The following LRPPRC variants were observed in gnomAD, a reference collection of about 807,000 sequenced individuals.
The protein encoded by LRPPRC is leucine rich pentatricopeptide repeat containing.
A neutral mutation model predicts 180.3 loss-of-function variants in LRPPRC; 120 were observed. That is an observed-to-expected ratio of 0.67 (90% CI 0.57 to 0.77). The LOEUF (loss-of-function observed/expected upper bound fraction) is 0.77. LRPPRC is among the 30% of genes least tolerant of loss of function. LRPPRC has a pLI of 0.00. For synonymous variants in LRPPRC, 723 were observed against 600.0 expected, an observed-to-expected ratio of 1.21 and a Z score of -3.00; for missense variants, 2,012 against 1,657.2, an observed-to-expected ratio of 1.21 and a Z score of -3.72.
At chr2:43,986,688 C>G (rs1674539965) in intron 1 of LRPPRC, among the ~76,000 whole-genome samples, 1 of 151,976 alleles carries the variant, frequency 6.6e-6, no homozygotes, top group Non-Finnish European at 1.5e-5. Context: ...CCAGGGTTAG[C>G]ACTCAGACGG....
intron 22 of LRPPRC, among the ~76,000 whole-genome samples, chr2:43,944,287 T>C (rs966607300): frequency 1.3e-5 from 2 of 152,070 alleles, no homozygotes; most frequent in East Asian, 3.8e-4. Flanking sequence ...GTTTACACTG[T>C]ATATACAGCC....
intron 23 of LRPPRC, among the ~76,000 whole-genome samples, chr2:43,937,563 T>C (rs764143281): frequency 2.5e-4 from 38 of 152,216 alleles, no homozygotes; most frequent in Admixed American, 6.5e-5. Flanking sequence ...TGAAGATAGC[T>C]ATGTAGTCAT....
In LRPPRC at chr2:43,992,414, G is replaced by A. The variant is rs760323428; in HGVS notation, c.149+3385C>T. On this transcript the variant is annotated intron_variant, in intron 1 of 37. Transcript: ENST00000260665. ...GCACTTCAAAGTAGTAGTCTGGTACGGCTAGAACGCAGGATGCCATGGGAG... is the reference window on the plus strand; with the variant it reads ...GCACTTCAAAGTAGTAGTCTGGTACAGCTAGAACGCAGGATGCCATGGGAG... Among the ~76,000 whole-genome samples the A allele has an allele frequency of 4.6e-5, 7 of 152,188 alleles. 1 individual carries two copies. The highest frequency in any genetic ancestry group is 7.2e-5 in the African/African-American group (3 of 41,452).
At position 43,973,730 on chromosome 2, in the gene LRPPRC, T is replaced by C. The variant is rs748939389; in HGVS notation, c.1262-16A>G. 6.2e-7 allele frequency: 1 copy of C among 1,606,466 alleles called. No homozygotes were observed. The highest frequency in any genetic ancestry group is 8.5e-7 in the Non-Finnish European group (1 of 1,172,994). ...TTTGCCAAATCTGAAAGAGATATCA[T>C]AAAAGATCACAAAGCTACCTCAGCA... On this transcript the variant is annotated splice_polypyrimidine_tract_variant and intron_variant, in intron 10 of 37. Transcript: ENST00000260665.
intron 12 of LRPPRC, 98 bp from the exon 13 acceptor site, chr2:43,960,732 C>T (rs543707382): frequency 2.6e-6 from 2 of 755,336 alleles, no homozygotes; most frequent in East Asian, 2.5e-5. Context: ...TCACCATATT[C>T]TCTGATTTTC....
intron 25 of LRPPRC, among the ~76,000 whole-genome samples, chr2:43,929,802 G>A (rs994675359): frequency 6.6e-6 from 1 of 152,068 alleles, no homozygotes; most frequent in East Asian, 1.9e-4. Context: ...AGGAAAATAT[G>A]GCTGAGCAAG....
chr2:43,927,693 A>G (rs1050395197), intron 25 of LRPPRC, among the ~76,000 whole-genome samples: 3 of 152,238 alleles, frequency 2.0e-5, no homozygotes, highest in African/African-American at 7.2e-5. Context: ...CCAAATGCCA[A>G]CAATCTAAAC....
At chr2:43,911,600 C>T (rs1221210582) in intron 30 of LRPPRC, among the ~76,000 whole-genome samples, 1 of 141,708 alleles carries the variant, frequency 7.1e-6, no homozygotes, top group Non-Finnish European at 1.5e-5. Context: ...AATCTCAGCT[C>T]AACGCAACCT....
At chr2:43,917,019 C>A (rs1360019517) in intron 29 of LRPPRC, among the ~76,000 whole-genome samples, 1 of 139,554 alleles carries the variant, frequency 7.2e-6, no homozygotes. Context: ...TTATATCTAA[C>A]AATTAACATC....
chr2:43,923,446 C>T (rs1412192496), intron 27 of LRPPRC, among the ~76,000 whole-genome samples: 10 of 152,158 alleles, frequency 6.6e-5, no homozygotes, highest in African/African-American at 1.9e-4. Flanking sequence ...GAGCTCTGAT[C>T]GCACCACTGT....
At chr2:43,913,061 A>G (rs1671321293) in intron 29 of LRPPRC, among the ~76,000 whole-genome samples, 2 of 152,208 alleles carry the variant, frequency 1.3e-5, no homozygotes, top group African/African-American at 4.8e-5. Flanking sequence ...AATATAGCCT[A>G]TAATTCTAAA....
chr2:43,905,699 A>G lies in LRPPRC; in HGVS notation c.3357T>C (p.Tyr1119=), dbSNP rs1347372540. Residue 1119 remains tyrosine, a synonymous_variant, in exon 31 of 38, where the codon TAT becomes TAC. Transcript: ENST00000260665. ...RLIITQVRRD[Y]LKEAVTTLKT... Reference sequence around the variant, plus strand: ...TCAAGCATTGTGACATACCTTTCAAATAATCCCGCCTAACTTGCGTTATGA... The same window carrying G: ...TCAAGCATTGTGACATACCTTTCAAGTAATCCCGCCTAACTTGCGTTATGA... 1 of 1,612,838 alleles carries G rather than the reference A, an allele frequency of 6.2e-7. No individual in the cohort carries two copies. Among genetic ancestry groups the G allele is most frequent in the Non-Finnish European group, 8.5e-7 (1 of 1,178,782 alleles).
intron 34 of LRPPRC, among the ~76,000 whole-genome samples, chr2:43,897,928 C>A (rs545124766): frequency 1.3e-5 from 2 of 151,578 alleles, no homozygotes; most frequent in African/African-American, 2.4e-5. Context: ...GCTTATTATA[C>A]CCCTAGTAGG....
intron 1 of LRPPRC, among the ~76,000 whole-genome samples, chr2:43,994,552 T>C (rs1314277933): frequency 6.6e-6 from 1 of 151,916 alleles, no homozygotes; most frequent in Non-Finnish European, 1.5e-5. Context: ...TCTAATGGCA[T>C]AATGCAGATA....
At chr2:43,932,299 TTATC>T (rs2105055762) in intron 25 of LRPPRC, among the ~76,000 whole-genome samples, 1 of 152,172 alleles carries the variant, frequency 6.6e-6, no homozygotes, top group East Asian at 1.9e-4. Context: ...TATGACTGGT[TTATC>T]TAATTATTTC....
chr2:43,970,583 T>G (rs1370554189), intron 11 of LRPPRC, among the ~76,000 whole-genome samples: 1 of 152,212 alleles, frequency 6.6e-6, no homozygotes, highest in Non-Finnish European at 1.5e-5. Context: ...TAAGACTAAA[T>G]AATCTAATAA....
chr2:43,934,899 C>G (rs1413246805), intron 23 of LRPPRC, 21 bp from the exon 24 acceptor site: 1 of 1,607,092 alleles, frequency 6.2e-7, no homozygotes, highest in African/African-American at 1.3e-5. Context: ...AAAAAATTAG[C>G]AATGAATAAA....
At chr2:43,913,580 C>A (rs1220376933) in intron 29 of LRPPRC, among the ~76,000 whole-genome samples, 5 of 152,104 alleles carry the variant, frequency 3.3e-5, no homozygotes, top group African/African-American at 1.2e-4. Flanking sequence ...GTGGCACTGT[C>A]AAAGAAATAT....
intron 23 of LRPPRC, among the ~76,000 whole-genome samples, chr2:43,941,592 G>T (rs190837306): frequency 1.3e-5 from 2 of 152,216 alleles, no homozygotes; most frequent in African/African-American, 4.8e-5. Flanking sequence ...TCATGATTCT[G>T]AATTAATTAG....
Sources: allele counts gnomAD v4.1 joint callset (sites outside exome capture counted in the v4.1 genomes callset), GRCh38; gene constraint gnomAD v4.1.1; transcripts MANE v1.5; gene names NCBI Gene and HGNC (gene_info 2026-07-23, HGNC 2026-07-21).